The following EIF2B3 variants were observed in gnomAD, a reference collection of about 807,000 sequenced individuals.
The protein encoded by EIF2B3 is eukaryotic translation initiation factor 2B subunit gamma.
A neutral mutation model predicts 54.1 loss-of-function variants in EIF2B3; 20 were observed. That is an observed-to-expected ratio of 0.37 (90% CI 0.26 to 0.54). The LOEUF is 0.54. Ranked by LOEUF, EIF2B3 falls within the 20% of genes least tolerant of loss-of-function variation. The probability of loss-of-function intolerance (pLI) is 0.86; values close to 1 mark genes in which losing one functional copy is unlikely to be tolerated. For missense variants in EIF2B3, 448 were observed against 547.8 expected, an observed-to-expected ratio of 0.82 and a Z score of 1.82; for synonymous variants, 153 against 188.1, an observed-to-expected ratio of 0.81 and a Z score of 1.52.
At position 44,946,444 on chromosome 1, in the gene EIF2B3, C is replaced by CT. The variant is rs758880130; in HGVS notation, c.295-4780dup. 8.6e-4 allele frequency among the ~76,000 whole-genome samples: 121 copies of CT among 140,286 alleles called. 2 individuals are homozygous for CT. The highest frequency in any genetic ancestry group is 1.6e-3 in the East Asian group (8 of 4,858). The allele number at this position is 140,286 out of a possible 152,430, so 92.0% of individuals were successfully genotyped here. On this transcript the variant is annotated intron_variant, in intron 3 of 11. Coordinates refer to ENST00000360403, the MANE Select transcript of EIF2B3 (RefSeq NM_020365.5). ...AATCACACTTATACCTTCATAATAC[C>CT]TTTTTTTTTTTGAGACAGGGTCTCA... is the stretch of plus-strand genomic sequence containing the variant.
intron 3 of EIF2B3, among the ~76,000 whole-genome samples, chr1:44,947,786 GGT>G (rs1644118904): frequency 6.6e-6 from 1 of 152,098 alleles, no homozygotes; most frequent in Admixed American, 6.6e-5. Flanking sequence ...TCAGCTACTT[GGT>G]GTGACTATGA....
At chr1:44,936,777 T>A (rs1464320158) in intron 4 of EIF2B3, among the ~76,000 whole-genome samples, 1 of 152,242 alleles carries the variant, frequency 6.6e-6, no homozygotes, top group Non-Finnish European at 1.5e-5. Flanking sequence ...ACAAAGTTAT[T>A]AAATGAGATT....
At position 44,984,797 on chromosome 1, in the gene EIF2B3, C is replaced by CTTTTTTTT. The variant is rs71040529; in HGVS notation, c.-10+1688_-10+1695dup. 1.4e-3 allele frequency among the ~76,000 whole-genome samples: 120 copies of CTTTTTTTT among 88,518 alleles called. 12 individuals carry two copies. Among genetic ancestry groups the CTTTTTTTT allele is most frequent in the East Asian group, 5.6e-3 (7 of 1,256 alleles). The allele number at this position is 88,518 out of a possible 152,430, so 58.1% of individuals were successfully genotyped here. A position where few individuals can be genotyped will look rare whatever the true frequency, so the allele number is the denominator to read the frequency against. On this transcript the variant is annotated intron_variant, in intron 1 of 11. Transcript: ENST00000360403. ...GTAAAGCAGACAAAATAATGTCCAT[C>CTTTTTTTT]TTTTTTTTTTTTTTTTTTTTGAGAC...
intron 10 of EIF2B3, among the ~76,000 whole-genome samples, chr1:44,863,526 A>T (rs1654677235): frequency 6.6e-6 from 1 of 152,180 alleles, no homozygotes; most frequent in Non-Finnish European, 1.5e-5. Flanking sequence ...GAGCCACTGC[A>T]TCTGGCAACC....
Position 44,871,275 on chromosome 1 carries a change from G to C in EIF2B3, c.1202+3403C>G, listed in dbSNP as rs529193309. On this transcript the variant is annotated intron_variant, in intron 10 of 11. Transcript: ENST00000360403. ...ATTGTCTGTCTTCTCCATCTCTACT[G>C]CTATTTATTGCCTTAGTTTAGGACC... Among the ~76,000 whole-genome samples the C allele has an allele frequency of 2.0e-5, 3 of 152,178 alleles. No homozygotes were observed. The South Asian group carries it at 6.2e-4, about 32-fold the overall frequency.
At chr1:44,942,377 T>TATATATA (rs1553177309) in intron 3 of EIF2B3, among the ~76,000 whole-genome samples, 1 of 21,598 alleles carries the variant, frequency 4.6e-5, no homozygotes, top group Admixed American at 8.9e-4. Flanking sequence ...CTTTCTGATT[T>TATATATA]TATATATATA....
At chr1:44,953,598 G>A (rs7548493) in intron 3 of EIF2B3, among the ~76,000 whole-genome samples, 27,122 of 151,908 alleles carry the variant, frequency 0.18, 2,536 homozygotes, top group African/African-American at 0.2. Context: ...GCAACATGGC[G>A]AAAAAAACAC....
At chr1:44,984,777 G>T (rs894474673) in intron 1 of EIF2B3, among the ~76,000 whole-genome samples, 1 of 145,766 alleles carries the variant, frequency 6.9e-6, no homozygotes, top group Non-Finnish European at 1.5e-5. Flanking sequence ...TCTACGTAAA[G>T]CAGACAAAAT....
chr1:44,891,148 G>A (rs537673838), intron 6 of EIF2B3, among the ~76,000 whole-genome samples: 1 of 152,254 alleles, frequency 6.6e-6, no homozygotes, highest in East Asian at 1.9e-4. Flanking sequence ...CCAGGCTGCT[G>A]GAGTGCAGTG....
At position 44,850,631 on chromosome 1, in the gene EIF2B3, C is replaced by G. The variant is rs532328702; in HGVS notation, c.*320G>C. 4.2e-5 allele frequency: 18 copies of G among 423,808 alleles called. No individual in the cohort carries two copies. In the East Asian group the frequency reaches 8.0e-4, roughly 19 times the overall value. 26.3% of individuals were successfully genotyped at this position (423,808 alleles called of 1,614,324 possible). A position where few individuals can be genotyped will look rare whatever the true frequency, so the allele number is the denominator to read the frequency against. On this transcript the variant is annotated 3_prime_UTR_variant, in exon 12 of 12. Coordinates refer to ENST00000360403, the MANE Select transcript of EIF2B3 (RefSeq NM_020365.5). ...ACTTTCAGGACTGGGTTGGGTCAGC[C>G]AGTCAGAAAGTAGCCTTCCTAGGAG...
chr1:44,856,788 A>G (rs939371817), intron 11 of EIF2B3, among the ~76,000 whole-genome samples: 2 of 152,094 alleles, frequency 1.3e-5, no homozygotes, highest in African/African-American at 4.8e-5. Context: ...TAATACCAAA[A>G]GCAATCAGTC....
At chr1:44,966,166 G>A (rs1277900744) in intron 3 of EIF2B3, among the ~76,000 whole-genome samples, 2 of 151,954 alleles carry the variant, frequency 1.3e-5, no homozygotes, top group Admixed American at 6.6e-5. Context: ...AAGGCCGGGC[G>A]CAGTGGCTCA....
intron 8 of EIF2B3, among the ~76,000 whole-genome samples, chr1:44,879,518 T>G (rs969966931): frequency 2.6e-5 from 4 of 152,206 alleles, no homozygotes; most frequent in Non-Finnish European, 4.4e-5. Context: ...GTACTGCAGA[T>G]ATCCCCATGC....
intron 5 of EIF2B3, among the ~76,000 whole-genome samples, chr1:44,899,215 C>T (rs1308884646): frequency 6.6e-6 from 1 of 152,166 alleles, no homozygotes; most frequent in African/African-American, 2.4e-5. Flanking sequence ...TTTAGACATA[C>T]AATTTAATGA....
At chr1:44,860,057 G>A (rs1048349871) in intron 10 of EIF2B3, among the ~76,000 whole-genome samples, 19 of 151,600 alleles carry the variant, frequency 1.3e-4, no homozygotes, top group African/African-American at 4.1e-4. Flanking sequence ...ACTGGAGTGC[G>A]GTGGCGTGAT....
intron 5 of EIF2B3, among the ~76,000 whole-genome samples, chr1:44,913,291 T>A (rs967548901): frequency 5.9e-5 from 9 of 152,048 alleles, no homozygotes; most frequent in Non-Finnish European, 1.3e-4. Flanking sequence ...TTTTGATAAA[T>A]GGATTTAGGA....
chr1:44,889,717 T>C (rs1655733841), intron 6 of EIF2B3, among the ~76,000 whole-genome samples: 1 of 152,044 alleles, frequency 6.6e-6, no homozygotes, highest in Non-Finnish European at 1.5e-5. Context: ...TTAGTAGAGA[T>C]GGGGTTTCAC....
chr1:44,978,251 C>T lies in EIF2B3; in HGVS notation c.294+64G>A. The T allele has an allele frequency of 6.9e-6, 11 of 1,592,712 alleles. No homozygotes were observed. In the South Asian group the frequency reaches 1.2e-4, roughly 18 times the overall value. Reference sequence around the variant, plus strand: ...GTCTCAAAAAAAAGACTATAATGCACTGGGAAAACATAAGATATCATCTAT... The same window carrying T: ...GTCTCAAAAAAAAGACTATAATGCATTGGGAAAACATAAGATATCATCTAT... On this transcript the variant is annotated intron_variant, in intron 3 of 11. Coordinates refer to ENST00000360403, the MANE Select transcript of EIF2B3 (RefSeq NM_020365.5).
intron 8 of EIF2B3, among the ~76,000 whole-genome samples, chr1:44,877,214 A>AAAAAAAAAAAAAAAAAAC (rs1655220207): frequency 6.7e-6 from 1 of 148,434 alleles, no homozygotes; most frequent in African/African-American, 2.5e-5. Context: ...AAAAAAAAAA[A>AAAAAAAAAAAAAAAAAAC]AAAAAAAACA....
Sources: gnomAD v4.1 joint callset for allele counts (sites outside exome capture counted in the v4.1 genomes callset) on GRCh38, gnomAD v4.1.1 for gene constraint, MANE v1.5 for transcripts, NCBI Gene and HGNC (gene_info 2026-07-23, HGNC 2026-07-21) for gene names.